The following NCALD variants were observed in gnomAD, a reference collection of about 807,000 sequenced individuals.
The protein encoded by NCALD is neurocalcin-delta.
A neutral mutation model predicts 18.6 loss-of-function variants in NCALD; 10 were observed. The observed-to-expected ratio is 0.54, with a 90% CI of 0.33 to 0.91. NCALD has a LOEUF of 0.91. Among genes scored for constraint, NCALD ranks in the 40% least tolerant of loss-of-function variants. The probability of loss-of-function intolerance (pLI) is 0.03; values close to 1 mark genes in which losing one functional copy is unlikely to be tolerated. For synonymous variants in NCALD, 88 were observed against 87.4 expected (o/e 1.01, Z -0.04); for missense variants, 184 against 247.6 (o/e 0.74, Z 1.72).
chr8:102,012,310 T>C (rs1821932144), intron 2 of NCALD, among the ~76,000 whole-genome samples: 1 of 152,194 alleles, frequency 6.6e-6, no homozygotes, highest in African/African-American at 2.4e-5. Context: ...ACGATGTCAT[T>C]TTCTCTAATT....
intron 2 of NCALD, among the ~76,000 whole-genome samples, chr8:101,978,584 C>G (rs1423377239): frequency 6.6e-6 from 1 of 152,174 alleles, no homozygotes; most frequent in Non-Finnish European, 1.5e-5. Context: ...GTCTCTACAC[C>G]ATGATGATAT....
At chr8:101,935,261 C>T (rs1383594011) in intron 2 of NCALD, among the ~76,000 whole-genome samples, 1 of 152,038 alleles carries the variant, frequency 6.6e-6, no homozygotes, top group African/African-American at 2.4e-5. Context: ...ACTCCAAAAA[C>T]CTGGTTTCCA....
intron 1 of NCALD, among the ~76,000 whole-genome samples, chr8:101,753,655 G>A (rs1234704895): frequency 2.6e-5 from 4 of 152,122 alleles, no homozygotes; most frequent in Admixed American, 2.0e-4. Flanking sequence ...GGGTAGGGGT[G>A]GGGTTCCAAG....
chr8:101,725,769 A>C (rs1586315250), intron 1 of NCALD, among the ~76,000 whole-genome samples: 2 of 152,346 alleles, frequency 1.3e-5, no homozygotes, highest in South Asian at 4.1e-4. Context: ...CAAGTCCCAC[A>C]GAGGGGTCAA....
intron 1 of NCALD, among the ~76,000 whole-genome samples, chr8:101,767,530 A>G (rs992375887): frequency 1.3e-5 from 2 of 152,202 alleles, no homozygotes; most frequent in Non-Finnish European, 2.9e-5. Flanking sequence ...ATACAGCTGC[A>G]TATGTTCTAA....
At position 101,781,482 on chromosome 8, in the gene NCALD, C is replaced by T. The variant is rs1013975681; in HGVS notation, c.-20+9380G>A. ...CAATGGCCTTGGGGCAAAGGCCTCT[C>T]GACACAAAAACCAATTTACAAACCT... On this transcript the variant is annotated intron_variant, in intron 1 of 3. Coordinates refer to ENST00000220931, the MANE Select transcript of NCALD (RefSeq NM_032041.3). 3.5e-4 allele frequency among the ~76,000 whole-genome samples: 54 copies of T among 152,272 alleles called. No individual in the cohort carries two copies. The East Asian group carries it at 5.6e-3, about 16-fold the overall frequency.
intron 2 of NCALD, among the ~76,000 whole-genome samples, chr8:101,960,304 C>T (rs1819789907): frequency 6.6e-6 from 1 of 152,236 alleles, no homozygotes; most frequent in Admixed American, 6.5e-5. Context: ...AACATCAGAA[C>T]TTACCCAGGG....
At chr8:101,720,387 G>A (rs1199148334) in intron 1 of NCALD, among the ~76,000 whole-genome samples, 2 of 152,122 alleles carry the variant, frequency 1.3e-5, no homozygotes, top group Non-Finnish European at 2.9e-5. Context: ...TATCATGGCA[G>A]TAGCACATAG....
At chr8:101,763,966 CCACA>C (rs754411989) in intron 1 of NCALD, among the ~76,000 whole-genome samples, 1,758 of 85,268 alleles carry the variant, frequency 0.021, 63 homozygotes, top group African/African-American at 0.061. Flanking sequence ...CTCTCTCTCT[CCACA>C]CACACACACA....
chr8:101,999,672 A>G (rs1368708277), intron 2 of NCALD, among the ~76,000 whole-genome samples: 1 of 152,202 alleles, frequency 6.6e-6, no homozygotes, highest in African/African-American at 2.4e-5. Context: ...TTGAAATTCA[A>G]TAAAATAAAA....
chr8:101,864,723 T>A (rs1815695407), intron 4 of NCALD, among the ~76,000 whole-genome samples: 1 of 151,910 alleles, frequency 6.6e-6, no homozygotes, highest in African/African-American at 2.4e-5. Flanking sequence ...GCCTCCTGAG[T>A]AGCTGGAATT....
At chr8:102,051,293 C>T (rs1823449815) in intron 1 of NCALD, among the ~76,000 whole-genome samples, 1 of 152,118 alleles carries the variant, frequency 6.6e-6, no homozygotes, top group South Asian at 2.1e-4. Flanking sequence ...GTTCTATTTA[C>T]AAAATGCAGC....
At chr8:101,861,950 C>T (rs994821034) in intron 4 of NCALD, among the ~76,000 whole-genome samples, 1 of 152,110 alleles carries the variant, frequency 6.6e-6, no homozygotes, top group Non-Finnish European at 1.5e-5. Context: ...CATTTCCTTG[C>T]CCTCAGGGAA....
intron 3 of NCALD, among the ~76,000 whole-genome samples, chr8:101,895,315 C>G (rs964503159): frequency 4.7e-5 from 6 of 128,486 alleles, no homozygotes; most frequent in East Asian, 2.1e-4. Flanking sequence ...ATTCAACAAC[C>G]CTTCATGCTA....
intron 2 of NCALD, among the ~76,000 whole-genome samples, chr8:101,695,267 G>A (rs1814938352): frequency 2.0e-5 from 3 of 152,188 alleles, no homozygotes; most frequent in Non-Finnish European, 4.4e-5. Flanking sequence ...CAAGGGATAA[G>A]TTTATTTTTG....
chr8:102,079,859 C>T (rs1003673927), intron 1 of NCALD, among the ~76,000 whole-genome samples: 2 of 152,206 alleles, frequency 1.3e-5, no homozygotes, highest in Non-Finnish European at 2.9e-5. Context: ...TGCTACAAAG[C>T]GTAAAGTCAT....
intron 1 of NCALD, among the ~76,000 whole-genome samples, chr8:101,723,348 A>G (rs894379159): frequency 6.6e-6 from 1 of 152,150 alleles, no homozygotes; most frequent in Admixed American, 6.6e-5. Context: ...TTTAAGTAGC[A>G]AATTACCTAA....
chr8:102,122,257 C>T (rs1056599955), intron 1 of NCALD, among the ~76,000 whole-genome samples: 4 of 152,128 alleles, frequency 2.6e-5, no homozygotes, highest in Non-Finnish European at 4.4e-5. Flanking sequence ...GCAGAGGCTA[C>T]GTGGGGGGAG....
At chr8:101,809,733 C>T (rs369003168) in intron 4 of NCALD, among the ~76,000 whole-genome samples, 58 of 152,120 alleles carry the variant, frequency 3.8e-4, no homozygotes, top group African/African-American at 6.7e-4. Context: ...TTAATAGAGA[C>T]GGGGTTTCAC....
Sources: allele counts gnomAD v4.1 joint callset (sites outside exome capture counted in the v4.1 genomes callset), GRCh38; gene constraint gnomAD v4.1.1; transcripts MANE v1.5; gene names NCBI Gene and HGNC (gene_info 2026-07-23, HGNC 2026-07-21).